AGMO: variants seen among roughly 807,000 people sequenced by gnomAD.
AGMO encodes glyceryl-ether monooxygenase.
Under a neutral mutation model 60.2 loss-of-function variants are expected in AGMO, and 75 were observed. The observed-to-expected ratio is 1.25, with a 90% CI of 1.03 to 1.51. AGMO has a LOEUF of 1.51. Ranked by LOEUF, AGMO falls within the 40% of genes most tolerant of loss-of-function variation. The pLI is 0.00. For missense variants in AGMO, 763 were observed against 525.5 expected (o/e 1.45, Z -4.42); for synonymous variants, 261 against 177.1 (o/e 1.47, Z -3.76).
chr7:15,244,632 CTTTT>C (rs137954102), intron 12 of AGMO, among the ~76,000 whole-genome samples: 2 of 151,310 alleles, frequency 1.3e-5, no homozygotes, highest in Non-Finnish European at 2.9e-5. Flanking sequence ...TTTGCTCATT[CTTTT>C]TTTTGTTTGT....
Position 15,201,175 on chromosome 7 carries a change from T to G in AGMO, c.*110A>C, listed in dbSNP as rs923122755. 1 of 598,990 alleles carries G rather than the reference T, an allele frequency of 1.7e-6. No individual in the cohort carries two copies. Among genetic ancestry groups the G allele is most frequent in the African/African-American group, 1.9e-5 (1 of 51,596 alleles). 37.1% of individuals were successfully genotyped at this position (598,990 alleles called of 1,614,324 possible). On this transcript the variant is annotated 3_prime_UTR_variant, in exon 13 of 13. Coordinates refer to ENST00000342526, the MANE Select transcript of AGMO (RefSeq NM_001004320.2). ...GTAAATAAGTAATTTTACTTTTCAT[T>G]GAAGAAATAGTTCATATAAGCATTA...
chr7:15,548,070 C>G (rs1408415330), intron 2 of AGMO, among the ~76,000 whole-genome samples: 1 of 152,210 alleles, frequency 6.6e-6, no homozygotes, highest in Admixed American at 6.5e-5. Flanking sequence ...ACACCTCACA[C>G]GGCAGGGTAT....
chr7:15,127,614 A>G, the AGMO span, among the ~76,000 whole-genome samples: 1 of 152,100 alleles, frequency 6.6e-6, no homozygotes, highest in Non-Finnish European at 1.5e-5. Flanking sequence ...AGAAGTCTAA[A>G]TCATCCCATA....
intron 12 of AGMO, among the ~76,000 whole-genome samples, chr7:15,324,873 T>C (rs1351898008): frequency 6.6e-6 from 1 of 152,128 alleles, no homozygotes; most frequent in East Asian, 1.9e-4. Flanking sequence ...ATTTGCCTGC[T>C]GCTCACCTCC....
At chr7:15,293,381 A>G (rs762527166) in intron 12 of AGMO, among the ~76,000 whole-genome samples, 1 of 152,138 alleles carries the variant, frequency 6.6e-6, no homozygotes, top group Non-Finnish European at 1.5e-5. Flanking sequence ...ATTTCAGCAT[A>G]TAACTAAACC....
At chr7:15,382,886 C>G (rs1011352413) in intron 10 of AGMO, among the ~76,000 whole-genome samples, 3 of 152,132 alleles carry the variant, frequency 2.0e-5, no homozygotes, top group South Asian at 2.1e-4. Flanking sequence ...TGTTTGAAAA[C>G]AAGTTCAAAT....
chr7:15,220,331 T>C lies in AGMO; in HGVS notation c.1264-18972A>G, dbSNP rs1021323337. Among the ~76,000 whole-genome samples, 11 of 150,236 alleles carry C rather than the reference T, an allele frequency of 7.3e-5. No homozygotes were observed. In the East Asian group the frequency reaches 2.2e-3, roughly 30 times the overall value. On this transcript the variant is annotated intron_variant, in intron 12 of 12. Coordinates refer to ENST00000342526, the MANE Select transcript of AGMO (RefSeq NM_001004320.2). ...GCCTCCTGGGTTCAAACGATTCTCC[T>C]GCCTCAGCCTCCCAAGTGGCTGGGA...
At chr7:15,484,357 A>G (rs1341444449) in intron 3 of AGMO, among the ~76,000 whole-genome samples, 2 of 152,152 alleles carry the variant, frequency 1.3e-5, no homozygotes, top group African/African-American at 2.4e-5. Flanking sequence ...AAGTTCAAAA[A>G]TGGGAAAATT....
At chr7:15,161,758 C>A in the AGMO span, among the ~76,000 whole-genome samples, 2 of 151,882 alleles carry the variant, frequency 1.3e-5, no homozygotes, top group African/African-American at 4.8e-5. Context: ...CACACACGCA[C>A]ACCCTATTGG....
intron 6 of AGMO, among the ~76,000 whole-genome samples, chr7:15,393,749 T>C (rs531390881): frequency 6.6e-6 from 1 of 152,196 alleles, no homozygotes; most frequent in Non-Finnish European, 1.5e-5. Flanking sequence ...TCTCTGACTA[T>C]AGATAGGAAT....
At chr7:15,498,016 C>G (rs1783279523) in intron 3 of AGMO, among the ~76,000 whole-genome samples, 1 of 152,016 alleles carries the variant, frequency 6.6e-6, no homozygotes, top group East Asian at 1.9e-4. Flanking sequence ...ACTATGTATA[C>G]TGCACCCACA....
rs1308721685 is a variant in AGMO at position 15,201,237 on chromosome 7, T to C, written c.*48A>G. On this transcript the variant is annotated 3_prime_UTR_variant, in exon 13 of 13. Coordinates refer to ENST00000342526, the MANE Select transcript of AGMO (RefSeq NM_001004320.2). ...TACATTTTAATATGCAGTCATAATA[T>C]GCGTGTGGACAACTCATTAAAAGAA... is the stretch of plus-strand genomic sequence containing the variant. 7 of 1,246,996 alleles carry C rather than the reference T, an allele frequency of 5.6e-6. No individual in the cohort carries two copies. The East Asian group carries it at 7.1e-5, about 13-fold the overall frequency. The allele number at this position is 1,246,996 out of a possible 1,614,324, so 77.2% of individuals were successfully genotyped here.
intron 10 of AGMO, among the ~76,000 whole-genome samples, chr7:15,384,007 C>T (rs1347834709): frequency 6.6e-6 from 1 of 152,096 alleles, no homozygotes; most frequent in Non-Finnish European, 1.5e-5. Context: ...GCGATCTCGG[C>T]TCACTGCAAG....
chr7:15,324,024 T>G lies in AGMO; in HGVS notation c.1263+41490A>C, dbSNP rs185691376. Among the ~76,000 whole-genome samples, 542 of 152,318 alleles carry G rather than the reference T, an allele frequency of 3.6e-3. 2 individuals are homozygous for G. Among genetic ancestry groups the G allele is most frequent in the African/African-American group, 0.012 (498 of 41,568 alleles). On this transcript the variant is annotated intron_variant, in intron 12 of 12. Transcript: ENST00000342526. ...CTGTAATTTGTATTAAAGTGCATAT[T>G]TATGTAATTGTTCTATATACTACCA...
chr7:15,439,426 A>G (rs972682484), intron 3 of AGMO, among the ~76,000 whole-genome samples: 1 of 152,186 alleles, frequency 6.6e-6, no homozygotes, highest in Admixed American at 6.5e-5. Flanking sequence ...AATCCAGAAC[A>G]TATCCTGCAG....
chr7:15,459,844 G>T (rs1051794070), intron 3 of AGMO, among the ~76,000 whole-genome samples: 1 of 151,802 alleles, frequency 6.6e-6, no homozygotes. Context: ...TTAAGATAGA[G>T]GTCGCCTCAT....
chr7:15,385,310 A>C (rs4256501), intron 10 of AGMO, 136 bp downstream of exon 10: 183,908 of 574,708 alleles, frequency 0.32, 31,160 homozygotes, highest in Middle Eastern at 0.38. Flanking sequence ...TTACCTATTT[A>C]AATGTGAGAC....
chr7:15,276,799 C>T (rs1295905859), intron 12 of AGMO, among the ~76,000 whole-genome samples: 1 of 150,984 alleles, frequency 6.6e-6, no homozygotes, highest in Non-Finnish European at 1.5e-5. Context: ...AGTTCTGACA[C>T]ATTTGTTCTG....
At chr7:15,477,471 G>C (rs1782628255) in intron 3 of AGMO, among the ~76,000 whole-genome samples, 1 of 152,150 alleles carries the variant, frequency 6.6e-6, no homozygotes. Flanking sequence ...GAATGAATGA[G>C]ACACTGGTGC....
Sources: gnomAD v4.1 joint callset for allele counts (sites outside exome capture counted in the v4.1 genomes callset) on GRCh38, gnomAD v4.1.1 for gene constraint, MANE v1.5 for transcripts, NCBI Gene and HGNC (gene_info 2026-07-23, HGNC 2026-07-21) for gene names.